The following NXPE2 variants were observed in gnomAD, a reference collection of about 807,000 sequenced individuals.
The protein encoded by NXPE2 is NXPE family member 2.
NXPE2 carries 34 observed loss-of-function variants against 34.4 expected under a neutral mutation model. That is an observed-to-expected ratio of 0.99 (90% CI 0.75 to 1.31). The LOEUF (loss-of-function observed/expected upper bound fraction) is 1.31. Ranked by LOEUF, NXPE2 falls within the 40% of genes most tolerant of loss-of-function variation. The probability of loss-of-function intolerance (pLI) is 0.00; values close to 1 mark genes in which losing one functional copy is unlikely to be tolerated. For synonymous variants in NXPE2, 235 were observed against 231.3 expected (o/e 1.02, Z -0.15); for missense variants, 649 against 672.5 (o/e 0.97, Z 0.39).
the NXPE2 span, among the ~76,000 whole-genome samples, chr11:114,615,418 A>G: frequency 6.6e-6 from 1 of 151,626 alleles, no homozygotes; most frequent in Admixed American, 6.6e-5. Context: ...TACCCTATGG[A>G]GAATAAGTAA....
chr11:114,619,714 G>A, the NXPE2 span, among the ~76,000 whole-genome samples: 1 of 152,074 alleles, frequency 6.6e-6, no homozygotes, highest in Non-Finnish European at 1.5e-5. Context: ...TGCCTCTTGA[G>A]TAATCACTGT....
the NXPE2 span, among the ~76,000 whole-genome samples, chr11:114,477,551 A>C: frequency 4.1e-4 from 62 of 152,288 alleles, no homozygotes; most frequent in Admixed American, 1.8e-3. Context: ...AAAGGAAAGA[A>C]TACTCAATAG....
the NXPE2 span, among the ~76,000 whole-genome samples, chr11:114,806,999 G>A: frequency 6.6e-6 from 1 of 152,120 alleles, no homozygotes; most frequent in South Asian, 2.1e-4. Flanking sequence ...TCTCTCGCCA[G>A]AAACTCTACG....
the NXPE2 span, among the ~76,000 whole-genome samples, chr11:114,777,305 A>G: frequency 6.6e-6 from 1 of 152,208 alleles, no homozygotes; most frequent in Non-Finnish European, 1.5e-5. Context: ...TGAGTTCACT[A>G]TGGTGACCCA....
At chr11:114,725,947 C>T in the NXPE2 span, among the ~76,000 whole-genome samples, 3 of 101,810 alleles carry the variant, frequency 2.9e-5, no homozygotes, top group African/African-American at 1.1e-4. Flanking sequence ...GACCAATGTA[C>T]CCTAGAACTT....
the NXPE2 span, among the ~76,000 whole-genome samples, chr11:114,743,918 T>C: frequency 1.3e-5 from 2 of 148,634 alleles, no homozygotes; most frequent in Admixed American, 1.3e-4. Flanking sequence ...TATTTACACA[T>C]ATATGTATAT....
the NXPE2 span, among the ~76,000 whole-genome samples, chr11:114,603,496 A>G: frequency 3.3e-5 from 5 of 150,138 alleles, no homozygotes; most frequent in African/African-American, 7.4e-5. Context: ...GGTAACTCCT[A>G]TTACCTGGTG....
chr11:114,541,819 A>C, the NXPE2 span, among the ~76,000 whole-genome samples: 1 of 152,244 alleles, frequency 6.6e-6, no homozygotes, highest in Non-Finnish European at 1.5e-5. Context: ...CAAATTTTAC[A>C]AAAGAACCAA....
rs544550683 is a variant in NXPE2 at position 114,698,188 on chromosome 11, C to A, written c.276C>A (p.Asp92Glu). 2 of 1,614,046 alleles carry A rather than the reference C, an allele frequency of 1.2e-6. No homozygotes were observed. Among genetic ancestry groups the A allele is most frequent in the Admixed American group, 3.3e-5 (2 of 59,994 alleles). Reference sequence around the variant, plus strand: ...TAAAGGACATTATGGAGAAACTAGACCAGCAGATCCCACCCAGACCTTTCA... The same window carrying A: ...TAAAGGACATTATGGAGAAACTAGAACAGCAGATCCCACCCAGACCTTTCA... ...LRIKDIMEKL[D>E]QQIPPRPFTH... is the part of the protein sequence containing the mutation. Residue 92 changes from aspartate to glutamate, a missense_variant, in exon 3 of 6, where the codon GAC becomes GAA. Coordinates refer to ENST00000389586, the MANE Select transcript of NXPE2 (RefSeq NM_182495.6).
the NXPE2 span, among the ~76,000 whole-genome samples, chr11:114,807,587 G>A: frequency 2.0e-5 from 3 of 151,436 alleles, no homozygotes; most frequent in South Asian, 6.4e-4. Flanking sequence ...GATCAAAAGA[G>A]ACAAAGAAGG....
the NXPE2 span, among the ~76,000 whole-genome samples, chr11:114,790,223 A>G: frequency 1.3e-5 from 2 of 152,194 alleles, no homozygotes; most frequent in African/African-American, 4.8e-5. Context: ...AAGGATTACA[A>G]TTCCAAACAA....
the NXPE2 span, among the ~76,000 whole-genome samples, chr11:114,732,563 G>A: frequency 6.6e-6 from 1 of 152,096 alleles, no homozygotes; most frequent in Non-Finnish European, 1.5e-5. Context: ...TAGGTACCTA[G>A]GCATGGTATC....
the NXPE2 span, among the ~76,000 whole-genome samples, chr11:114,535,960 C>T: frequency 2.0e-5 from 3 of 152,164 alleles, no homozygotes; most frequent in Non-Finnish European, 4.4e-5. Context: ...ACTCTCCACC[C>T]CAAATCAACA....
the NXPE2 span, among the ~76,000 whole-genome samples, chr11:114,663,641 TATCC>T: frequency 9.9e-5 from 10 of 101,120 alleles, no homozygotes; most frequent in Non-Finnish European, 1.4e-4. Flanking sequence ...ATCTATCATC[TATCC>T]ATCTATCATC....
the NXPE2 span, among the ~76,000 whole-genome samples, chr11:114,493,153 C>T: frequency 2.0e-5 from 3 of 152,124 alleles, no homozygotes; most frequent in South Asian, 6.2e-4. Context: ...TTTTTGGTTT[C>T]CATTAGCATG....
At chr11:114,651,466 G>A in the NXPE2 span, among the ~76,000 whole-genome samples, 1 of 152,200 alleles carries the variant, frequency 6.6e-6, no homozygotes, top group Non-Finnish European at 1.5e-5. Context: ...GACCCAAAGA[G>A]TAAGCAGCAG....
the NXPE2 span, among the ~76,000 whole-genome samples, chr11:114,587,742 A>G: frequency 6.6e-6 from 1 of 152,130 alleles, no homozygotes. Flanking sequence ...GACTAAAGGG[A>G]CACCTTTTTT....
At chr11:114,754,859 A>G in the NXPE2 span, among the ~76,000 whole-genome samples, 43 of 152,326 alleles carry the variant, frequency 2.8e-4, no homozygotes, top group African/African-American at 1.0e-3. Flanking sequence ...GTCCCAGGGA[A>G]TAGCAGTGGT....
the NXPE2 span, among the ~76,000 whole-genome samples, chr11:114,561,306 G>C: frequency 2.0e-5 from 3 of 152,130 alleles, no homozygotes; most frequent in African/African-American, 2.4e-5. Flanking sequence ...TTATGCATGG[G>C]AGTAAATTTT....
Sources: gnomAD v4.1 joint callset for allele counts (sites outside exome capture counted in the v4.1 genomes callset) on GRCh38, gnomAD v4.1.1 for gene constraint, MANE v1.5 for transcripts, NCBI Gene and HGNC (gene_info 2026-07-23, HGNC 2026-07-21) for gene names.